TBC1D32: variants seen among roughly 807,000 people sequenced by gnomAD.
The protein encoded by TBC1D32 is TBC1 domain family member 32.
TBC1D32 carries 151 observed loss-of-function variants against 170.3 expected under a neutral mutation model. The ratio of observed to expected loss-of-function variants is 0.89; its 90% CI spans 0.78 to 1.01. The LOEUF (loss-of-function observed/expected upper bound fraction) is 1.01. TBC1D32 is among the 50% of genes least tolerant of loss of function. The probability of loss-of-function intolerance (pLI) is 0.00; values close to 1 mark genes in which losing one functional copy is unlikely to be tolerated. For missense variants in TBC1D32, 1,464 were observed against 1,457.1 expected (o/e 1.00, Z -0.08); for synonymous variants, 498 against 488.0 (o/e 1.02, Z -0.27).
chr6:121,285,687 C>T (rs1583567353), intron 12 of TBC1D32, among the ~76,000 whole-genome samples: 1 of 152,168 alleles, frequency 6.6e-6, no homozygotes, highest in Non-Finnish European at 1.5e-5. Flanking sequence ...GACAGACTGC[C>T]TCCTCAAGTG....
At chr6:121,155,709 T>C (rs934735401) in intron 24 of TBC1D32, among the ~76,000 whole-genome samples, 9 of 152,152 alleles carry the variant, frequency 5.9e-5, no homozygotes, top group Non-Finnish European at 1.3e-4. Context: ...AGGGTTTTTA[T>C]CATGAAGAGA....
At chr6:121,126,310 A>T in intron 26 of TBC1D32, 68 bp downstream of exon 26, 1 of 1,178,960 alleles carries the variant, frequency 8.5e-7, no homozygotes, top group Non-Finnish European at 1.2e-6. Flanking sequence ...TAATATCATT[A>T]CACATCTCCA....
rs1361964073 is a variant in TBC1D32 at position 121,083,734 on chromosome 6, A to G, written c.3655-2844T>C. Among the ~76,000 whole-genome samples the G allele has an allele frequency of 2.0e-5, 3 of 152,090 alleles. No individual in the cohort carries two copies. The East Asian group carries it at 5.8e-4, about 29-fold the overall frequency. On this transcript the variant is annotated intron_variant, in intron 31 of 31. Transcript: ENST00000398212. ...ATTCAGACCAAATGAAAGGGTTTGA[A>G]TTCTCCTATGTTAGTTACTAGATGT...
chr6:121,113,392 C>T (rs1779387127), intron 27 of TBC1D32, among the ~76,000 whole-genome samples: 1 of 152,174 alleles, frequency 6.6e-6, no homozygotes, highest in Non-Finnish European at 1.5e-5. Context: ...GAGAGAACAA[C>T]ATGATGATAT....
intron 12 of TBC1D32, among the ~76,000 whole-genome samples, chr6:121,290,794 C>T (rs9401389): frequency 0.99 from 150,016 of 151,822 alleles, 74,154 homozygotes; most frequent in East Asian, 1. Context: ...ATGTGGCACA[C>T]ATACACCATG....
chr6:121,095,219 G>C (rs1777258173), intron 30 of TBC1D32, among the ~76,000 whole-genome samples: 3 of 152,116 alleles, frequency 2.0e-5, no homozygotes, highest in Non-Finnish European at 4.4e-5. Context: ...AATATGCATT[G>C]AAATCTACCA....
intron 24 of TBC1D32, among the ~76,000 whole-genome samples, chr6:121,145,908 A>C (rs1015000403): frequency 7.9e-5 from 12 of 152,174 alleles, no homozygotes; most frequent in African/African-American, 2.9e-4. Context: ...GTGATATTAA[A>C]TGACTATATG....
intron 21 of TBC1D32, among the ~76,000 whole-genome samples, chr6:121,222,950 A>T (rs546554875): frequency 6.6e-6 from 1 of 152,186 alleles, no homozygotes; most frequent in Non-Finnish European, 1.5e-5. Context: ...GTAATGAGTC[A>T]TCTAAAAATC....
chr6:121,129,702 T>C (rs1019195362), intron 25 of TBC1D32, among the ~76,000 whole-genome samples: 2 of 152,112 alleles, frequency 1.3e-5, no homozygotes, highest in African/African-American at 4.8e-5. Flanking sequence ...AAGAACAAAT[T>C]AGAGACAGAC....
At chr6:121,294,703 T>C (rs759269193) in intron 10 of TBC1D32, 43 bp from the exon 11 acceptor site, 4 of 1,435,026 alleles carry the variant, frequency 2.8e-6, no homozygotes, top group Non-Finnish European at 3.9e-6. Context: ...TTTGCAGCCC[T>C]CAAGTCCAAG....
intron 28 of TBC1D32, 61 bp from the exon 29 acceptor site, chr6:121,112,720 TAAATA>T (rs1203091391): frequency 1.2e-5 from 16 of 1,302,286 alleles, no homozygotes; most frequent in Non-Finnish European, 1.5e-5. Flanking sequence ...TAAAATTCTG[TAAATA>T]AAATAAAATG....
At chr6:121,159,557 T>G (rs1785343870) in intron 24 of TBC1D32, among the ~76,000 whole-genome samples, 1 of 152,196 alleles carries the variant, frequency 6.6e-6, no homozygotes. Context: ...AGCAATTTTG[T>G]CACTTTGTGA....
At position 121,298,218 on chromosome 6, in the gene TBC1D32, G is replaced by C. The variant is rs982250442; in HGVS notation, c.1140+1228C>G. Among the ~76,000 whole-genome samples, 4 of 152,142 alleles carry C rather than the reference G, an allele frequency of 2.6e-5. No homozygotes were observed. The South Asian group carries it at 8.3e-4, about 32-fold the overall frequency. ...GCTTTTTAGTGCAAATGAGGTTTAAGTTGAAATGTCAAACAAGTTTGACAT... is the reference window on the plus strand; with the variant it reads ...GCTTTTTAGTGCAAATGAGGTTTAACTTGAAATGTCAAACAAGTTTGACAT... On this transcript the variant is annotated intron_variant, in intron 10 of 31. Transcript: ENST00000398212.
chr6:121,272,223 A>G (rs1195042830), intron 15 of TBC1D32, among the ~76,000 whole-genome samples: 1 of 152,194 alleles, frequency 6.6e-6, no homozygotes, highest in Non-Finnish European at 1.5e-5. Flanking sequence ...TAAAACACCA[A>G]AAGCAATGGC....
intron 22 of TBC1D32, among the ~76,000 whole-genome samples, chr6:121,176,796 A>T (rs769184294): frequency 1.3e-5 from 2 of 151,956 alleles, no homozygotes; most frequent in Non-Finnish European, 2.9e-5. Flanking sequence ...ATGGGGTTTC[A>T]CCATGTTGGC....
In TBC1D32 at chr6:121,080,708, T is replaced by A. The variant is rs113084262; in HGVS notation, c.*63A>T. ...ATGTTGTTACAGACACAGAAAAACA[T>A]CAAGCCCCCCTGCTGTGTTTAAAAA... On this transcript the variant is annotated 3_prime_UTR_variant, in exon 32 of 32. Coordinates refer to ENST00000398212, the MANE Select transcript of TBC1D32 (RefSeq NM_152730.6). 9.8e-6 allele frequency: 15 copies of A among 1,531,064 alleles called. No homozygotes were observed. The Admixed American group carries it at 1.5e-4, about 15-fold the overall frequency. The allele number at this position is 1,531,064 out of a possible 1,614,324, so 94.8% of individuals were successfully genotyped here.
At chr6:121,110,793 C>T (rs904667950) in intron 29 of TBC1D32, among the ~76,000 whole-genome samples, 4 of 152,042 alleles carry the variant, frequency 2.6e-5, no homozygotes, top group African/African-American at 9.7e-5. Context: ...TTTATACTGT[C>T]GTATAAATGT....
chr6:121,203,057 G>A (rs915776367), intron 22 of TBC1D32, among the ~76,000 whole-genome samples: 2 of 151,182 alleles, frequency 1.3e-5, no homozygotes, highest in Non-Finnish European at 2.9e-5. Context: ...AAAGGTACAA[G>A]GAAGGCTTAA....
intron 19 of TBC1D32, among the ~76,000 whole-genome samples, chr6:121,240,733 C>T (rs1796868319): frequency 6.6e-6 from 1 of 151,682 alleles, no homozygotes; most frequent in East Asian, 1.9e-4. Context: ...ACCAAAGATA[C>T]AAAAATTAGC....
Sources: gnomAD v4.1 joint callset for allele counts (sites outside exome capture counted in the v4.1 genomes callset) on GRCh38, gnomAD v4.1.1 for gene constraint, MANE v1.5 for transcripts, NCBI Gene and HGNC (gene_info 2026-07-23, HGNC 2026-07-21) for gene names.